The following CDH13 variants were observed in gnomAD, a reference collection of about 807,000 sequenced individuals.
The protein encoded by CDH13 is cadherin 13.
In CDH13, 24 loss-of-function variants were observed where a neutral mutation model predicts 63.8. That is an observed-to-expected ratio of 0.38 (90% confidence interval 0.27 to 0.53). The LOEUF is 0.53. Ranked by LOEUF, CDH13 falls within the 20% of genes least tolerant of loss-of-function variation. The pLI, the probability that CDH13 is intolerant of heterozygous loss-of-function variation, is 0.85. For missense variants in CDH13, 1,049 were observed against 903.1 expected (o/e 1.16, Z -2.07); for synonymous variants, 503 against 355.3 (o/e 1.42, Z -4.67).
At chr16:82,940,212 C>G (rs1418373948) in intron 2 of CDH13, among the ~76,000 whole-genome samples, 1 of 152,132 alleles carries the variant, frequency 6.6e-6, no homozygotes, top group Non-Finnish European at 1.5e-5. Context: ...AATGCAAAGC[C>G]TGAAATATGG....
intron 5 of CDH13, among the ~76,000 whole-genome samples, chr16:83,267,498 C>T (rs2088660322): frequency 6.6e-6 from 1 of 152,128 alleles, no homozygotes; most frequent in African/African-American, 2.4e-5. Flanking sequence ...AATTTAATTG[C>T]CACTGTGATG....
chr16:82,804,312 C>CACACACACAT lies in CDH13; in HGVS notation c.46-54050_46-54049insACACACACAT, dbSNP rs58046063. Among the ~76,000 whole-genome samples the CACACACACAT allele has an allele frequency of 3.3e-3, 487 of 148,360 alleles. 3 individuals carry two copies. The highest frequency in any genetic ancestry group is 4.1e-3 in the Non-Finnish European group (273 of 67,330). Reference sequence around the variant, plus strand: ...ACACACACACACACACACACACACACGCACACACATACAAATACAAAGAAA... The same window carrying CACACACACAT: ...ACACACACACACACACACACACACACACACACACATGCACACACATACAAATACAAAGAAA... On this transcript the variant is annotated intron_variant, in intron 1 of 13. Coordinates refer to ENST00000567109, the MANE Select transcript of CDH13 (RefSeq NM_001257.5).
intron 2 of CDH13, among the ~76,000 whole-genome samples, chr16:82,880,383 C>A (rs566423385): frequency 6.6e-6 from 1 of 152,112 alleles, no homozygotes; most frequent in African/African-American, 2.4e-5. Context: ...CTTCATATAT[C>A]GGTGGTACTA....
intron 8 of CDH13, among the ~76,000 whole-genome samples, chr16:83,624,408 A>G (rs1314055328): frequency 6.6e-6 from 1 of 151,336 alleles, no homozygotes; most frequent in Non-Finnish European, 1.5e-5. Context: ...GTAGAACACA[A>G]TTTTTTCACA....
At chr16:83,724,604 T>C (rs1910156569) in intron 10 of CDH13, among the ~76,000 whole-genome samples, 4 of 152,178 alleles carry the variant, frequency 2.6e-5, no homozygotes. Flanking sequence ...CCAGCTCAGA[T>C]TGGAGGAAGC....
At chr16:83,421,262 T>C (rs1344228135) in intron 6 of CDH13, among the ~76,000 whole-genome samples, 1 of 152,142 alleles carries the variant, frequency 6.6e-6, no homozygotes, top group Non-Finnish European at 1.5e-5. Context: ...CAGAAGAGGG[T>C]TAATTGTTTA....
intron 7 of CDH13, among the ~76,000 whole-genome samples, chr16:83,508,055 A>AGGAAGGAAGGAAGGAAG (rs1343350266): frequency 3.1e-4 from 18 of 58,296 alleles, no homozygotes; most frequent in African/African-American, 1.3e-3. Context: ...GAGAAAGAGA[A>AGGAAGGAAGGAAGGAAG]GAAGGAAGGA....
intron 3 of CDH13, among the ~76,000 whole-genome samples, chr16:83,077,860 A>G (rs1251184608): frequency 6.6e-6 from 1 of 152,004 alleles, no homozygotes; most frequent in African/African-American, 2.4e-5. Context: ...CCTCACAAAC[A>G]TTTGCTGTTA....
At chr16:83,664,509 T>C (rs1913750036) in intron 8 of CDH13, among the ~76,000 whole-genome samples, 8 of 149,494 alleles carry the variant, frequency 5.4e-5, no homozygotes, top group Admixed American at 4.7e-4. Flanking sequence ...ATATTTTATA[T>C]AATTAGTTTT....
At chr16:83,045,794 G>A (rs922330710) in intron 3 of CDH13, among the ~76,000 whole-genome samples, 3 of 152,202 alleles carry the variant, frequency 2.0e-5, no homozygotes, top group Non-Finnish European at 4.4e-5. Flanking sequence ...AGAAACAGGG[G>A]AAGAGGTACC....
intron 7 of CDH13, among the ~76,000 whole-genome samples, chr16:83,562,186 G>C (rs1397422508): frequency 6.6e-6 from 1 of 152,098 alleles, no homozygotes; most frequent in East Asian, 1.9e-4. Flanking sequence ...TGGAACTCTG[G>C]GTGCCAAAGG....
chr16:82,980,065 C>T (rs1271932894), intron 2 of CDH13, among the ~76,000 whole-genome samples: 1 of 151,788 alleles, frequency 6.6e-6, no homozygotes, highest in East Asian at 1.9e-4. Flanking sequence ...GATGGCACCA[C>T]CCCCAGGGGC....
chr16:83,745,152 G>A (rs892891054), intron 10 of CDH13, among the ~76,000 whole-genome samples: 3 of 152,174 alleles, frequency 2.0e-5, no homozygotes, highest in East Asian at 1.9e-4. Flanking sequence ...TGTAAGGCTC[G>A]ATGCTGCTGC....
chr16:82,998,803 C>T (rs1224794265), intron 2 of CDH13, among the ~76,000 whole-genome samples: 1 of 150,990 alleles, frequency 6.6e-6, no homozygotes, highest in Non-Finnish European at 1.5e-5. Flanking sequence ...CCCTAAATCT[C>T]ATTCATGTAC....
At chr16:82,784,709 G>C (rs974903852) in intron 1 of CDH13, among the ~76,000 whole-genome samples, 3 of 152,150 alleles carry the variant, frequency 2.0e-5, no homozygotes, top group Non-Finnish European at 4.4e-5. Context: ...TCTATGGTGA[G>C]GTGAAGGGGA....
chr16:83,329,172 C>G (rs1307525479), intron 5 of CDH13, among the ~76,000 whole-genome samples: 2 of 152,174 alleles, frequency 1.3e-5, no homozygotes, highest in Admixed American at 1.3e-4. Context: ...TTTCAGAAAT[C>G]TGCATTCTTG....
chr16:82,922,555 T>G (rs1376414745), intron 2 of CDH13, among the ~76,000 whole-genome samples: 2 of 152,168 alleles, frequency 1.3e-5, no homozygotes, highest in Non-Finnish European at 2.9e-5. Flanking sequence ...ATGTATTAAT[T>G]AAGGTAATGT....
intron 4 of CDH13, among the ~76,000 whole-genome samples, chr16:83,202,907 G>C (rs1169796277): frequency 1.3e-5 from 2 of 152,146 alleles, no homozygotes; most frequent in African/African-American, 4.8e-5. Context: ...AGTGGGGAGG[G>C]ATGGGGTAGG....
At chr16:83,447,492 G>T (rs2072743873) in intron 6 of CDH13, among the ~76,000 whole-genome samples, 1 of 152,082 alleles carries the variant, frequency 6.6e-6, no homozygotes, top group African/African-American at 2.4e-5. Context: ...AAGCCCGCCA[G>T]TTAGACAAGG....
Sources: gnomAD v4.1 joint callset for allele counts (sites outside exome capture counted in the v4.1 genomes callset) on GRCh38, gnomAD v4.1.1 for gene constraint, MANE v1.5 for transcripts, NCBI Gene and HGNC (gene_info 2026-07-23, HGNC 2026-07-21) for gene names.